ACP2: variants seen among roughly 807,000 people sequenced by gnomAD.
ACP2 encodes the protein lysosomal acid phosphatase.
A neutral mutation model predicts 54.7 loss-of-function variants in ACP2; 35 were observed. The observed-to-expected ratio is 0.64, with a 90% CI of 0.49 to 0.85. The LOEUF (loss-of-function observed/expected upper bound fraction) is 0.85, where lower values mean the gene tolerates loss of function less well. ACP2 is among the 40% of genes least tolerant of loss of function. ACP2 has a pLI of 0.00. For missense variants in ACP2, 492 were observed against 565.0 expected, an observed-to-expected ratio of 0.87 and a Z score of 1.31; for synonymous variants, 210 against 224.4, an observed-to-expected ratio of 0.94 and a Z score of 0.57.
At chr11:47,247,797 C>T (rs1208507686) in intron 2 of ACP2, 70 bp from the exon 3 acceptor site, 3 of 1,469,270 alleles carry the variant, frequency 2.0e-6, no homozygotes, top group East Asian at 4.6e-5. Context: ...GGGGTTTAGG[C>T]CCTGTTGCTT....
intron 2 of ACP2, 55 bp from the exon 3 acceptor site, chr11:47,247,782 C>A: frequency 6.4e-7 from 1 of 1,564,488 alleles, no homozygotes; most frequent in Non-Finnish European, 8.7e-7. Flanking sequence ...GGCTTCAAGC[C>A]CCATGGGGTT....
rs1565164354 is a variant in ACP2 at position 47,245,504 on chromosome 11, TG to T, written c.518del (p.Pro173GlnfsTer26). 3 of 1,614,110 alleles carry T rather than the reference TG, an allele frequency of 1.9e-6. No homozygotes were observed. The African/African-American group carries it at 4.0e-5, about 22-fold the overall frequency. ...EQLQNETRQT[P>X]EYQNESSRNA... Reference sequence around the variant, plus strand: ...TCCGAGAACTCTCATTCTGATACTCTGGTGTCTGCCGGGTCTCGTTCTGCAG... The same window carrying T: ...TCCGAGAACTCTCATTCTGATACTCTGTGTCTGCCGGGTCTCGTTCTGCAG... On this transcript the variant is annotated frameshift_variant, in exon 5 of 11. Coordinates refer to ENST00000672073, the MANE Select transcript of ACP2 (RefSeq NM_001610.4). LOFTEE classifies it high-confidence loss of function.
At chr11:47,248,317 G>A in intron 1 of ACP2, 184 bp from the exon 2 acceptor site, 1 of 1,051,654 alleles carries the variant, frequency 9.5e-7, no homozygotes, top group Non-Finnish European at 1.4e-6. Context: ...ACTTAGCTAA[G>A]CAATGCTACT....
chr11:47,245,018 G>T (rs1470617801), intron 6 of ACP2, 151 bp from the exon 7 acceptor site: 115 of 1,386,200 alleles, frequency 8.3e-5, no homozygotes, highest in Non-Finnish European at 1.1e-4. Flanking sequence ...ATGGCAGGCG[G>T]TGTGGATGCT....
At chr11:47,247,813 G>A in intron 2 of ACP2, 86 bp from the exon 3 acceptor site, 1 of 1,357,828 alleles carries the variant, frequency 7.4e-7, no homozygotes, top group Non-Finnish European at 1.0e-6. Flanking sequence ...TGCTTTCCAG[G>A]TTCACGCTTT....
chr11:47,244,092 G>A (rs921997025), intron 7 of ACP2, among the ~76,000 whole-genome samples: 10 of 152,078 alleles, frequency 6.6e-5, no homozygotes, highest in African/African-American at 1.9e-4. Context: ...AGCCGAGATC[G>A]TGCCACTCTA....
chr11:47,246,776 T>C (rs1346686082), intron 3 of ACP2, among the ~76,000 whole-genome samples: 2 of 152,042 alleles, frequency 1.3e-5, no homozygotes, highest in Non-Finnish European at 2.9e-5. Context: ...CTTGGGAGGC[T>C]GAGACAGGAG....
rs1409235436 is a variant in ACP2, at chr11:47,239,581, T to TG, written c.*534dup. ...GAAGCATTCTGTCTGAGTCTAATGG[T>TG]GGCTCTAGCCAGACACAGGGAAATG... On this transcript the variant is annotated 3_prime_UTR_variant, in exon 11 of 11. Coordinates refer to ENST00000672073, the MANE Select transcript of ACP2 (RefSeq NM_001610.4). The TG allele has an allele frequency of 6.4e-6, 1 of 155,764 alleles. No individual in the cohort carries two copies. The highest frequency in any genetic ancestry group is 1.4e-5 in the Non-Finnish European group (1 of 70,218). 9.6% of individuals were successfully genotyped at this position (155,764 alleles called of 1,614,324 possible).
intron 10 of ACP2, among the ~76,000 whole-genome samples, chr11:47,240,762 A>T (rs1466831069): frequency 6.6e-6 from 1 of 151,722 alleles, no homozygotes; most frequent in Non-Finnish European, 1.5e-5. Context: ...CAGAGGTTGC[A>T]GTGAGCCGAG....
chr11:47,242,586 A>C (rs1752817703), intron 10 of ACP2, 137 bp downstream of exon 10: 1 of 961,156 alleles, frequency 1.0e-6, no homozygotes, highest in Non-Finnish European at 1.6e-6. Flanking sequence ...AGAAGGTATA[A>C]AGCAGTCTGG....
rs1025722484 is a variant in ACP2 at position 47,239,495 on chromosome 11, TCCCTC to T, written c.*616_*620del. ...CAACTCCCTTCCCACCACTCCCTAC[TCCCTC>T]CCAAGTACAGACAACCTTCCGTCCT... On this transcript the variant is annotated 3_prime_UTR_variant, in exon 11 of 11. Transcript: ENST00000672073. The T allele has an allele frequency of 6.2e-6, 1 of 160,208 alleles. No homozygotes were observed. The highest frequency in any genetic ancestry group is 2.4e-5 in the African/African-American group (1 of 41,474). The allele number at this position is 160,208 out of a possible 1,614,324, so 9.9% of individuals were successfully genotyped here.
At chr11:47,243,418 C>T in intron 7 of ACP2, 97 bp from the exon 8 acceptor site, 4 of 996,648 alleles carry the variant, frequency 4.0e-6, no homozygotes, top group African/African-American at 1.6e-5. Context: ...AGGCCTGGGC[C>T]TCATCACCTA....
chr11:47,248,268 C>G, intron 1 of ACP2, 135 bp from the exon 2 acceptor site: 1 of 1,052,216 alleles, frequency 9.5e-7, no homozygotes, highest in Non-Finnish European at 1.4e-6. Context: ...AAGACCCCAG[C>G]TAGGAGTCAG....
rs770648129 is a variant in ACP2 at position 47,245,465 on chromosome 11, C to T, written c.549+9G>A. The T allele has an allele frequency of 4.7e-5, 76 of 1,614,086 alleles. No individual in the cohort carries two copies. Among genetic ancestry groups the T allele is most frequent in the Non-Finnish European group, 6.4e-5 (75 of 1,180,036 alleles). The stretch of plus-strand genomic sequence containing the variant: ...CAGCGTGGTGAGCTGCACCTCTGCC[C>T]CCACTCACTGCATTCCGAGAACTCT... On this transcript the variant is annotated intron_variant, in intron 5 of 10. Transcript: ENST00000672073.
intron 10 of ACP2, among the ~76,000 whole-genome samples, chr11:47,241,742 T>C (rs1019465692): frequency 2.0e-5 from 3 of 152,226 alleles, no homozygotes; most frequent in Non-Finnish European, 2.9e-5. Context: ...AGGGTTATAC[T>C]GTGCCACTAG....
intron 3 of ACP2, 156 bp downstream of exon 3, chr11:47,247,485 T>G (rs1954203159): frequency 1.2e-6 from 1 of 836,550 alleles, no homozygotes; most frequent in Non-Finnish European, 1.9e-6. Context: ...CTCCTAGGGC[T>G]TTGTTCCAGA....
At chr11:47,246,903 T>G (rs1391347950) in intron 3 of ACP2, among the ~76,000 whole-genome samples, 5 of 152,218 alleles carry the variant, frequency 3.3e-5, no homozygotes, top group Non-Finnish European at 4.4e-5. Flanking sequence ...TTGAAGAGCT[T>G]ATTCAGAGAT....
chr11:47,242,912 G>A lies in ACP2; in HGVS notation c.963-14C>T, dbSNP rs202015741. The stretch of plus-strand genomic sequence containing the variant: ...ACTGAGAAATTCCTGAGGGTCGACA[G>A]GAGGCAACATGGGAGCTGCTCAGCC... On this transcript the variant is annotated splice_polypyrimidine_tract_variant and intron_variant, in intron 9 of 10. Coordinates refer to ENST00000672073, the MANE Select transcript of ACP2 (RefSeq NM_001610.4). 350 of 1,609,480 alleles carry A rather than the reference G, an allele frequency of 2.2e-4. No homozygotes were observed. The highest frequency in any genetic ancestry group is 8.9e-4 in the East Asian group (40 of 44,744).
chr11:47,248,506 G>A, intron 1 of ACP2, 170 bp downstream of exon 1: 1 of 1,550,984 alleles, frequency 6.4e-7, no homozygotes, highest in Non-Finnish European at 8.7e-7. Context: ...CGGTCATCCT[G>A]ACTCCCATAA....
Sources: gnomAD v4.1 joint callset for allele counts (sites outside exome capture counted in the v4.1 genomes callset) on GRCh38, gnomAD v4.1.1 for gene constraint, MANE v1.5 for transcripts, NCBI Gene and HGNC (gene_info 2026-07-23, HGNC 2026-07-21) for gene names.